Variants in CYFIP2 observed in about 807,000 individuals in gnomAD.
The protein encoded by CYFIP2 is cytoplasmic FMR1 interacting protein 2.
CYFIP2 carries 29 observed loss-of-function variants against 158.7 expected under a neutral mutation model. The ratio of observed to expected loss-of-function variants is 0.18; its 90% CI spans 0.14 to 0.25. The LOEUF (loss-of-function observed/expected upper bound fraction) is 0.25, where lower values mean the gene tolerates loss of function less well. Ranked by LOEUF, CYFIP2 falls within the 10% of genes least tolerant of loss-of-function variation. The probability of loss-of-function intolerance (pLI) is 1.00; values close to 1 mark genes in which losing one functional copy is unlikely to be tolerated. For missense variants in CYFIP2, 852 were observed against 1,639.5 expected, an observed-to-expected ratio of 0.52 and a Z score of 8.29; for synonymous variants, 585 against 617.6, an observed-to-expected ratio of 0.95 and a Z score of 0.78.
At chr5:157,287,211 A>G in intron 3 of CYFIP2, 103 bp downstream of exon 3, 1 of 831,588 alleles carries the variant, frequency 1.2e-6, no homozygotes. Flanking sequence ...TACTCTAAGA[A>G]CCCCCTGCCT....
intron 28 of CYFIP2, among the ~76,000 whole-genome samples, chr5:157,386,628 A>G (rs1020993431): frequency 6.6e-6 from 1 of 152,180 alleles, no homozygotes; most frequent in Non-Finnish European, 1.5e-5. Flanking sequence ...TGTTATGTAT[A>G]AGGATGGTGG....
At chr5:157,390,483 G>A (rs188169084) in intron 29 of CYFIP2, 38 bp from the exon 30 acceptor site, 131 of 493,866 alleles carry the variant, frequency 2.7e-4, no homozygotes, top group East Asian at 2.5e-3. Flanking sequence ...CTCCTCCCCC[G>A]ACCTCTCACT....
intron 26 of CYFIP2, among the ~76,000 whole-genome samples, chr5:157,369,878 A>ATTTTTTTT (rs1561774656): frequency 1.4e-5 from 1 of 69,390 alleles, no homozygotes; most frequent in African/African-American, 4.9e-5. Context: ...GAATGGACCT[A>ATTTTTTTT]GTTTTTTTTT....
intron 23 of CYFIP2, chr5:157,342,011 A>G (rs994898930): frequency 1.3e-5 from 2 of 152,618 alleles, no homozygotes; most frequent in Non-Finnish European, 2.9e-5. Flanking sequence ...CTTATGCTAT[A>G]TCAAGGAGAA....
rs1406264446 is a variant in CYFIP2, at chr5:157,347,129, C to A, written c.2673+5972C>A. Reference sequence around the variant, plus strand: ...TTCTTGGCCAAAGTATCCAAGTTAACCCATGAAGGTCTCTTTCTGATTCAC... The same window carrying A: ...TTCTTGGCCAAAGTATCCAAGTTAAACCATGAAGGTCTCTTTCTGATTCAC... On this transcript the variant is annotated intron_variant, in intron 23 of 30. Coordinates refer to ENST00000620254, the MANE Select transcript of CYFIP2 (RefSeq NM_001037333.3). 2.0e-5 allele frequency among the ~76,000 whole-genome samples: 3 copies of A among 152,178 alleles called. No individual in the cohort carries two copies. The South Asian group carries it at 6.2e-4, about 32-fold the overall frequency.
At chr5:157,374,012 C>T (rs191556514) in intron 26 of CYFIP2, among the ~76,000 whole-genome samples, 1 of 152,222 alleles carries the variant, frequency 6.6e-6, no homozygotes, top group East Asian at 1.9e-4. Flanking sequence ...GGTGCATTCC[C>T]AGAAGAAAAT....
chr5:157,376,789 C>A, intron 26 of CYFIP2: 1 of 424,722 alleles, frequency 2.4e-6, no homozygotes, highest in South Asian at 1.7e-5. Flanking sequence ...CCCCTGGGGT[C>A]AGCCTCCATC....
intron 23 of CYFIP2, among the ~76,000 whole-genome samples, chr5:157,346,900 TC>T (rs1270174714): frequency 1.3e-5 from 2 of 152,154 alleles, no homozygotes; most frequent in Non-Finnish European, 2.9e-5. Flanking sequence ...ACTGCTTGCC[TC>T]CCCTTTTCTC....
At chr5:157,376,905 G>T (rs1302244589) in intron 26 of CYFIP2, 3 of 456,222 alleles carry the variant, frequency 6.6e-6, no homozygotes, top group South Asian at 4.7e-5. Context: ...ACACACATCA[G>T]AAATTTACCT....
chr5:157,358,272 A>G (rs1763554771), intron 23 of CYFIP2, among the ~76,000 whole-genome samples: 1 of 152,200 alleles, frequency 6.6e-6, no homozygotes, highest in African/African-American at 2.4e-5. Flanking sequence ...ATGGTGTCTC[A>G]TGGGGTTCAG....
intron 23 of CYFIP2, among the ~76,000 whole-genome samples, chr5:157,353,346 T>C (rs1046740628): frequency 6.6e-6 from 1 of 152,346 alleles, no homozygotes; most frequent in Admixed American, 6.5e-5. Context: ...GCTCGGCTCC[T>C]GTTCCCCTGC....
chr5:157,342,422 C>G (rs1251987935), intron 23 of CYFIP2: 1 of 155,182 alleles, frequency 6.4e-6, no homozygotes, highest in East Asian at 1.9e-4. Context: ...CAAATAATCC[C>G]AAATTATTTC....
chr5:157,314,215 A>T lies in CYFIP2; in HGVS notation c.1111-129A>T, dbSNP rs1759957455. On this transcript the variant is annotated intron_variant, in intron 11 of 30. Transcript: ENST00000620254. ...TGGCCTTCAGCAAGGCACTTGTCTGAGCCTCAGTTTATCTGTCAAGGGGAT... is the reference window on the plus strand; with the variant it reads ...TGGCCTTCAGCAAGGCACTTGTCTGTGCCTCAGTTTATCTGTCAAGGGGAT... 3.3e-6 allele frequency: 4 copies of T among 1,222,740 alleles called. No homozygotes were observed. The Admixed American group carries it at 1.3e-4, about 39-fold the overall frequency. 75.7% of individuals were successfully genotyped at this position (1,222,740 alleles called of 1,614,324 possible). A position where few individuals can be genotyped will look rare whatever the true frequency, so the allele number is the denominator to read the frequency against.
intron 4 of CYFIP2, among the ~76,000 whole-genome samples, chr5:157,296,120 A>G (rs1454210027): frequency 6.6e-6 from 1 of 152,216 alleles, no homozygotes; most frequent in Non-Finnish European, 1.5e-5. Context: ...ACTGAGAAAA[A>G]GGAAGGAGGG....
intron 26 of CYFIP2, chr5:157,365,236 A>G (rs1483511405): frequency 6.6e-6 from 1 of 152,252 alleles, no homozygotes; most frequent in Non-Finnish European, 1.5e-5. Context: ...ATTTTAAAAT[A>G]GTATATGCTA....
intron 1 of CYFIP2, among the ~76,000 whole-genome samples, chr5:157,278,547 T>G (rs1168052998): frequency 6.6e-6 from 1 of 152,254 alleles, no homozygotes; most frequent in African/African-American, 2.4e-5. Context: ...AAGTGTTTAC[T>G]TCTCCATAAC....
chr5:157,323,099 C>A (rs1440430135), intron 15 of CYFIP2: 7 of 1,242,516 alleles, frequency 5.6e-6, no homozygotes, highest in Non-Finnish European at 6.8e-6. Context: ...CCTCAAGGCC[C>A]CTTCCAGCCC....
chr5:157,365,429 T>C (rs989166723), intron 26 of CYFIP2: 14 of 152,212 alleles, frequency 9.2e-5, no homozygotes, highest in African/African-American at 2.2e-4. Context: ...ATTTTCCTCA[T>C]GAAGTTAGTA....
At chr5:157,339,939 A>T in intron 22 of CYFIP2, among the ~76,000 whole-genome samples, 1 of 152,218 alleles carries the variant, frequency 6.6e-6, no homozygotes, top group South Asian at 2.1e-4. Context: ...CCAGGGCAGG[A>T]TCGTGCATTT....
Sources: allele counts gnomAD v4.1 joint callset (sites outside exome capture counted in the v4.1 genomes callset), GRCh38; gene constraint gnomAD v4.1.1; transcripts MANE v1.5; gene names NCBI Gene and HGNC (gene_info 2026-07-23, HGNC 2026-07-21).